Variants in SVOP observed in about 807,000 individuals in gnomAD.
The protein encoded by SVOP is SV2 related protein.
In SVOP, 17 loss-of-function variants were observed where a neutral mutation model predicts 69.1. That is an observed-to-expected ratio of 0.25 (90% CI 0.17 to 0.37). SVOP has a LOEUF of 0.37. SVOP is among the 10% of genes least tolerant of loss of function. The pLI is 1.00. For synonymous variants in SVOP, 238 were observed against 238.6 expected (o/e 1.00, Z 0.02); for missense variants, 435 against 597.5 (o/e 0.73, Z 2.84).
intron 15 of SVOP, among the ~76,000 whole-genome samples, chr12:108,914,329 C>T (rs76315642): frequency 0.031 from 4,702 of 152,130 alleles, 245 homozygotes; most frequent in African/African-American, 0.11. Flanking sequence ...CTGAATTGTT[C>T]CCTTTAAGAT....
chr12:108,986,800 C>A (rs940339069), intron 1 of SVOP, among the ~76,000 whole-genome samples: 1 of 151,974 alleles, frequency 6.6e-6, no homozygotes, highest in African/African-American at 2.4e-5. Context: ...TTATAGGCAT[C>A]ATTATTTGAT....
At chr12:108,994,779 ATAGAACAC>A (rs1466860920) in intron 1 of SVOP, among the ~76,000 whole-genome samples, 30 of 152,308 alleles carry the variant, frequency 2.0e-4, no homozygotes, top group African/African-American at 6.7e-4. Flanking sequence ...GATTGTGATA[ATAGAACAC>A]TAGAAATGAT....
intron 15 of SVOP, 108 bp downstream of exon 15, chr12:108,915,675 G>A (rs891246604): frequency 7.9e-6 from 9 of 1,134,182 alleles, no homozygotes; most frequent in Non-Finnish European, 1.1e-5. Context: ...ATGATAAAAT[G>A]AGCGAATGCA....
At position 108,949,961 on chromosome 12, in the gene SVOP, G is replaced by A. The variant is rs532587228; in HGVS notation, c.579-4795C>T. Among the ~76,000 whole-genome samples, 7 of 152,264 alleles carry A rather than the reference G, an allele frequency of 4.6e-5. No homozygotes were observed. In the South Asian group the frequency reaches 6.2e-4, roughly 14 times the overall value. ...AAGTGGGACCATTTGGAGGACCTGC[G>A]GCTGAGTCTCCCAGAGGAAACTTCT... On this transcript the variant is annotated intron_variant, in intron 6 of 15. Coordinates refer to ENST00000610966, the MANE Select transcript of SVOP (RefSeq NM_018711.5).
At position 109,021,019 on chromosome 12, in the gene SVOP, G is replaced by A; in HGVS notation, c.-151C>T. ...GCTGTTCGGGGAGGGAGCCGCTGGG[G>A]ACCAGCCCACGAGACAAAGCCTCCG... On this transcript the variant is annotated 5_prime_UTR_variant, in exon 1 of 16. Transcript: ENST00000610966. The A allele has an allele frequency of 3.5e-6, 2 of 571,806 alleles. No homozygotes were observed. Among genetic ancestry groups the A allele is most frequent in the South Asian group, 4.2e-5 (2 of 47,844 alleles). 35.4% of individuals were successfully genotyped at this position (571,806 alleles called of 1,614,324 possible). A position where few individuals can be genotyped will look rare whatever the true frequency, so the allele number is the denominator to read the frequency against.
At chr12:108,988,253 T>C (rs993414842) in intron 1 of SVOP, among the ~76,000 whole-genome samples, 8 of 152,158 alleles carry the variant, frequency 5.3e-5, no homozygotes, top group African/African-American at 1.9e-4. Flanking sequence ...TGTAGCCCGA[T>C]ATATCTACTT....
intron 2 of SVOP, among the ~76,000 whole-genome samples, chr12:108,982,134 C>CA (rs1294726957): frequency 6.6e-6 from 1 of 151,800 alleles, no homozygotes; most frequent in Non-Finnish European, 1.5e-5. Flanking sequence ...TCATCATCAT[C>CA]ACTATCATCA....
chr12:108,971,143 A>G (rs1462258798), intron 5 of SVOP, among the ~76,000 whole-genome samples: 1 of 152,090 alleles, frequency 6.6e-6, no homozygotes, highest in Non-Finnish European at 1.5e-5. Flanking sequence ...AAAGAGGTCA[A>G]TTTGGCTGAG....
chr12:108,977,087 G>A lies in SVOP; in HGVS notation c.381+311C>T, dbSNP rs192337109. Among the ~76,000 whole-genome samples the A allele has an allele frequency of 3.2e-4, 48 of 152,338 alleles. No homozygotes were observed. The East Asian group carries it at 9.1e-3, about 29-fold the overall frequency. ...GTCCTCAAATAATCCTAGGGATGTGGGGATTGGCACCTCCTGTTTGCAGCC... is the reference window on the plus strand; with the variant it reads ...GTCCTCAAATAATCCTAGGGATGTGAGGATTGGCACCTCCTGTTTGCAGCC... On this transcript the variant is annotated intron_variant, in intron 4 of 15. Transcript: ENST00000610966.
intron 1 of SVOP, among the ~76,000 whole-genome samples, chr12:109,008,960 C>CTTTTTTTTTTTTTTTTTTTT (rs71079510): frequency 1.2e-4 from 13 of 112,724 alleles, no homozygotes; most frequent in Non-Finnish European, 1.6e-4. Context: ...TCTTTTCTTT[C>CTTTTTTTTTTTTTTTTTTTT]TTTTTTTTTT....
In SVOP at chr12:108,922,774, C is replaced by T. The variant is rs1198174227; in HGVS notation, c.1072G>A (p.Glu358Lys). The change falls in exon 12 of 16, where the codon GAG (glutamate) becomes AAG (lysine). Residue 358 changes from glutamate (E) to lysine (K), a missense_variant. Coordinates refer to ENST00000610966, the MANE Select transcript of SVOP (RefSeq NM_018711.5). Reference sequence around the variant, plus strand: ...TCGCAGGCCAGGCTGCATTTTGCCTCTACAGCCTTCTTCCGACTGGAGACT... The same window carrying T: ...TCGCAGGCCAGGCTGCATTTTGCCTTTACAGCCTTCTTCCGACTGGAGACT... ...CGISSRKKAV[E>K]AKCSLACEYL... is the part of the protein sequence containing the mutation. 1 of 1,609,336 alleles carries T rather than the reference C, an allele frequency of 6.2e-7. No homozygotes were observed. Among genetic ancestry groups the T allele is most frequent in the Non-Finnish European group, 8.5e-7 (1 of 1,178,126 alleles).
At chr12:108,948,693 A>G (rs1194132973) in intron 6 of SVOP, among the ~76,000 whole-genome samples, 1 of 152,212 alleles carries the variant, frequency 6.6e-6, no homozygotes, top group East Asian at 1.9e-4. Context: ...GTCAGAGGGT[A>G]TGCCTGTTTT....
rs552698669 is a variant in SVOP, at chr12:108,908,599, T to C, written c.*3936A>G. 6.6e-6 allele frequency: 1 copy of C among 152,300 alleles called. No homozygotes were observed. The highest frequency in any genetic ancestry group is 1.9e-4 in the East Asian group (1 of 5,184). The allele number at this position is 152,300 out of a possible 1,614,324, so 9.4% of individuals were successfully genotyped here. Reference sequence around the variant, plus strand: ...ACCTTTTCCATTTCACTGATTTACATGCCCTGAATTTCCCCTGTAGGAAAT... The same window carrying C: ...ACCTTTTCCATTTCACTGATTTACACGCCCTGAATTTCCCCTGTAGGAAAT... On this transcript the variant is annotated 3_prime_UTR_variant, in exon 16 of 16. Transcript: ENST00000610966.
rs142093691 is a variant in SVOP, at chr12:109,021,001, G to T, written c.-133C>A. 4 of 591,306 alleles carry T rather than the reference G, an allele frequency of 6.8e-6. No homozygotes were observed. The highest frequency in any genetic ancestry group is 9.2e-6 in the Non-Finnish European group (3 of 324,870). 36.6% of individuals were successfully genotyped at this position (591,306 alleles called of 1,614,324 possible). On this transcript the variant is annotated 5_prime_UTR_variant, in exon 1 of 16. Coordinates refer to ENST00000610966, the MANE Select transcript of SVOP (RefSeq NM_018711.5). ...TTCCTCCCTGGAGCAGCAGCTGTTC[G>T]GGGAGGGAGCCGCTGGGGACCAGCC...
intron 11 of SVOP, among the ~76,000 whole-genome samples, chr12:108,925,970 G>A (rs968052582): frequency 6.6e-6 from 1 of 150,782 alleles, no homozygotes; most frequent in Non-Finnish European, 1.5e-5. Flanking sequence ...CCAGGCTGGA[G>A]TGCAGTGGCA....
At chr12:109,005,306 A>C (rs2040299827) in intron 1 of SVOP, among the ~76,000 whole-genome samples, 1 of 152,162 alleles carries the variant, frequency 6.6e-6, no homozygotes, top group Non-Finnish European at 1.5e-5. Flanking sequence ...TGCTTCTCTG[A>C]GCCTCAGTTT....
chr12:109,016,073 G>A (rs1239557436), intron 1 of SVOP, among the ~76,000 whole-genome samples: 1 of 152,172 alleles, frequency 6.6e-6, no homozygotes, highest in African/African-American at 2.4e-5. Flanking sequence ...CTGAGTGGAG[G>A]AAAACAATAC....
Position 108,995,679 on chromosome 12 carries a change from C to T in SVOP, c.36-11918G>A, listed in dbSNP as rs142796816. Among the ~76,000 whole-genome samples, 644 of 152,144 alleles carry T rather than the reference C, an allele frequency of 4.2e-3. 5 individuals carry two copies. Among genetic ancestry groups the T allele is most frequent in the African/African-American group, 0.015 (609 of 41,498 alleles). On this transcript the variant is annotated intron_variant, in intron 1 of 15. Coordinates refer to ENST00000610966, the MANE Select transcript of SVOP (RefSeq NM_018711.5). Reference sequence around the variant, plus strand: ...ACTTTGGGAAGCCCAGGAGGGCAGACCACTTGAGGTCAGGAGTTTGAAACC... The same window carrying T: ...ACTTTGGGAAGCCCAGGAGGGCAGATCACTTGAGGTCAGGAGTTTGAAACC...
At chr12:108,978,470 AG>A in intron 3 of SVOP, 107 bp downstream of exon 3, 2 of 584,370 alleles carry the variant, frequency 3.4e-6, no homozygotes, top group Non-Finnish European at 6.1e-6. Context: ...ATTCAAGCAA[AG>A]GCTCCATGTG....
Sources: allele counts gnomAD v4.1 joint callset (sites outside exome capture counted in the v4.1 genomes callset), GRCh38; gene constraint gnomAD v4.1.1; transcripts MANE v1.5; gene names NCBI Gene and HGNC (gene_info 2026-07-23, HGNC 2026-07-21).